The following RTKN2 variants were observed in gnomAD, a reference collection of about 807,000 sequenced individuals.
The protein encoded by RTKN2 is rhotekin-2.
A neutral mutation model predicts 71.5 loss-of-function variants in RTKN2; 69 were observed. The observed-to-expected ratio is 0.96, with a 90% CI of 0.79 to 1.18. RTKN2 has a LOEUF of 1.18. Ranked by LOEUF, RTKN2 falls within the 50% of genes most tolerant of loss-of-function variation. The pLI is 0.00. For synonymous variants in RTKN2, 236 were observed against 236.5 expected, an observed-to-expected ratio of 1.00 and a Z score of 0.02; for missense variants, 724 against 719.7, an observed-to-expected ratio of 1.01 and a Z score of -0.07.
intron 9 of RTKN2, among the ~76,000 whole-genome samples, chr10:62,207,804 T>C (rs1841577929): frequency 7.1e-6 from 1 of 140,806 alleles, no homozygotes; most frequent in African/African-American, 2.5e-5. Context: ...AAGTTTTGTA[T>C]TGATAGACCC....
At chr10:62,240,876 C>T (rs903014068) in intron 4 of RTKN2, among the ~76,000 whole-genome samples, 10 of 152,160 alleles carry the variant, frequency 6.6e-5, no homozygotes, top group African/African-American at 2.4e-4. Context: ...TATTTCCCTT[C>T]CCCCGTTCCC....
In RTKN2 at chr10:62,193,883, T is replaced by C; in HGVS notation, c.*4025A>G. 1.0e-6 allele frequency: 1 copy of C among 980,462 alleles called. No homozygotes were observed. The highest frequency in any genetic ancestry group is 1.2e-6 in the Non-Finnish European group (1 of 825,444). The allele number at this position is 980,462 out of a possible 1,614,324, so 60.7% of individuals were successfully genotyped here. On this transcript the variant is annotated 3_prime_UTR_variant, in exon 12 of 12. Coordinates refer to ENST00000373789, the MANE Select transcript of RTKN2 (RefSeq NM_145307.4). ...GCTTATCAGAATGTTAGTCTTATAATAATTAGCACCAGCTACTTGGTATGT... is the reference window on the plus strand; with the variant it reads ...GCTTATCAGAATGTTAGTCTTATAACAATTAGCACCAGCTACTTGGTATGT...
intron 8 of RTKN2, among the ~76,000 whole-genome samples, chr10:62,186,744 A>G (rs1841142479): frequency 7.1e-6 from 1 of 140,532 alleles, no homozygotes; most frequent in Admixed American, 6.8e-5. Context: ...CTGGTCAGAA[A>G]AACATTTTTT....
chr10:62,195,345 T>C lies in RTKN2; in HGVS notation c.*2563A>G, dbSNP rs1268454034. ...TCATAAAAAGCTGAAGCAGCTTTCA[T>C]ATTACATGGCATATTTATTTGTCAT... On this transcript the variant is annotated 3_prime_UTR_variant, in exon 12 of 12. Coordinates refer to ENST00000373789, the MANE Select transcript of RTKN2 (RefSeq NM_145307.4). The C allele has an allele frequency of 3.0e-6, 3 of 984,686 alleles. No individual in the cohort carries two copies. Among genetic ancestry groups the C allele is most frequent in the African/African-American group, 3.5e-5 (2 of 57,240 alleles). The allele number at this position is 984,686 out of a possible 1,614,324, so 61.0% of individuals were successfully genotyped here.
At chr10:62,261,424 G>A (rs950690399) in intron 2 of RTKN2, among the ~76,000 whole-genome samples, 44 of 152,118 alleles carry the variant, frequency 2.9e-4, no homozygotes, top group Non-Finnish European at 8.8e-5. Context: ...GCCAAATCAC[G>A]AGGTCAGGAG....
At chr10:62,211,057 T>G in intron 9 of RTKN2, among the ~76,000 whole-genome samples, 1 of 152,326 alleles carries the variant, frequency 6.6e-6, no homozygotes, top group South Asian at 2.1e-4. Context: ...ATGAATGATG[T>G]ATATAATATT....
intron 2 of RTKN2, among the ~76,000 whole-genome samples, chr10:62,257,570 C>T (rs898545793): frequency 2.0e-5 from 3 of 152,214 alleles, no homozygotes; most frequent in East Asian, 1.9e-4. Flanking sequence ...GAACTATTTT[C>T]GGGATACCAA....
chr10:62,207,648 T>C (rs1841574720), intron 9 of RTKN2, among the ~76,000 whole-genome samples: 1 of 152,088 alleles, frequency 6.6e-6, no homozygotes. Context: ...CCTCTTAGGG[T>C]ATGAAAACAA....
At chr10:62,192,696 C>T (rs1049309110), downstream of RTKN2, among the ~76,000 whole-genome samples, 2 of 152,152 alleles carry the variant, frequency 1.3e-5, no homozygotes, top group Non-Finnish European at 2.9e-5. Flanking sequence ...GAAGGGGCTA[C>T]TAGCAAGGGC....
At chr10:62,255,025 A>T (rs1395972912) in intron 2 of RTKN2, among the ~76,000 whole-genome samples, 1 of 152,100 alleles carries the variant, frequency 6.6e-6, no homozygotes, top group Non-Finnish European at 1.5e-5. Flanking sequence ...GGATAAAACA[A>T]ATATTAACTG....
chr10:62,243,934 T>C (rs374432171), intron 3 of RTKN2, among the ~76,000 whole-genome samples: 2 of 152,218 alleles, frequency 1.3e-5, no homozygotes, highest in African/African-American at 4.8e-5. Context: ...AGTCGGTGAC[T>C]AAGCTAATTA....
In RTKN2 at chr10:62,196,096, G is replaced by C; in HGVS notation, c.*1812C>G. On this transcript the variant is annotated 3_prime_UTR_variant, in exon 12 of 12. Transcript: ENST00000373789. Reference sequence around the variant, plus strand: ...CAGCTTCAAAACAATTTTCCCTGCAGCATCTTCTAGCTCAATAATTTAGTG... The same window carrying C: ...CAGCTTCAAAACAATTTTCCCTGCACCATCTTCTAGCTCAATAATTTAGTG... 1.0e-6 allele frequency: 1 copy of C among 984,978 alleles called. No individual in the cohort carries two copies. Among genetic ancestry groups the C allele is most frequent in the Non-Finnish European group, 1.2e-6 (1 of 829,810 alleles). 61.0% of individuals were successfully genotyped at this position (984,978 alleles called of 1,614,324 possible).
intron 2 of RTKN2, among the ~76,000 whole-genome samples, chr10:62,254,072 G>GA (rs1372166277): frequency 1.3e-5 from 2 of 151,918 alleles, no homozygotes; most frequent in African/African-American, 2.4e-5. Context: ...AATTCAAAGA[G>GA]AAAAAAAGCA....
intron 9 of RTKN2, among the ~76,000 whole-genome samples, chr10:62,213,960 A>T (rs1031091919): frequency 4.6e-5 from 7 of 152,052 alleles, no homozygotes; most frequent in Admixed American, 2.6e-4. Flanking sequence ...TTTTTCAATA[A>T]GGAGATCAGT....
rs769331266 is a variant in RTKN2, at chr10:62,268,643, C to T, written c.-33G>A. On this transcript the variant is annotated 5_prime_UTR_variant, in exon 1 of 12. Transcript: ENST00000373789. The stretch of plus-strand genomic sequence containing the variant: ...GCGAACTGTCCGGGCCGTCGCCACT[C>T]CTTCAAAGGGAAGATTTGAAAAGCC... 1.9e-6 allele frequency: 3 copies of T among 1,546,292 alleles called. No individual in the cohort carries two copies. The highest frequency in any genetic ancestry group is 2.6e-6 in the Non-Finnish European group (3 of 1,144,368).
At chr10:62,239,616 T>C (rs1007945575) in intron 5 of RTKN2, 32 bp downstream of exon 5, 1 of 991,376 alleles carries the variant, frequency 1.0e-6, no homozygotes, top group Non-Finnish European at 1.5e-6. Context: ...TTTTAAATTA[T>C]TTTTATTCTC....
chr10:62,212,063 C>T (rs891233662), intron 9 of RTKN2, among the ~76,000 whole-genome samples: 5 of 151,338 alleles, frequency 3.3e-5, no homozygotes, highest in Non-Finnish European at 5.9e-5. Flanking sequence ...ATACATTGTT[C>T]GAGACCACCC....
intron 2 of RTKN2, among the ~76,000 whole-genome samples, chr10:62,251,549 T>A (rs1842582316): frequency 6.6e-6 from 1 of 152,120 alleles, no homozygotes; most frequent in Non-Finnish European, 1.5e-5. Flanking sequence ...AAAAATGGAC[T>A]CCAATTACCC....
intron 9 of RTKN2, 138 bp from the exon 10 acceptor site, chr10:62,205,160 T>A: frequency 1.5e-6 from 1 of 685,384 alleles, no homozygotes; most frequent in South Asian, 2.3e-5. Flanking sequence ...ATTTAAAACA[T>A]GTAATTTTGA....
Sources: gnomAD v4.1 joint callset for allele counts (sites outside exome capture counted in the v4.1 genomes callset) on GRCh38, gnomAD v4.1.1 for gene constraint, MANE v1.5 for transcripts, NCBI Gene and HGNC (gene_info 2026-07-23, HGNC 2026-07-21) for gene names.